GPHN: variants seen among roughly 807,000 people sequenced by gnomAD.
The protein encoded by GPHN is gephyrin.
In GPHN, 17 loss-of-function variants were observed where a neutral mutation model predicts 95.5. The observed-to-expected ratio is 0.18, with a 90% CI of 0.12 to 0.27. The LOEUF is 0.27. Ranked by LOEUF, GPHN falls within the 10% of genes least tolerant of loss-of-function variation. The pLI, the probability that GPHN is intolerant of heterozygous loss-of-function variation, is 1.00. For missense variants in GPHN, 660 were observed against 978.1 expected, an observed-to-expected ratio of 0.67 and a Z score of 4.34; for synonymous variants, 320 against 322.5, an observed-to-expected ratio of 0.99 and a Z score of 0.08.
At chr14:67,486,112 G>C in the GPHN span, among the ~76,000 whole-genome samples, 1 of 152,244 alleles carries the variant, frequency 6.6e-6, no homozygotes, top group Non-Finnish European at 1.5e-5. Context: ...ACTCACGCCA[G>C]ACAATCTGAA....
the GPHN span, chr14:67,302,102 C>T: frequency 2.5e-6 from 4 of 1,602,770 alleles, no homozygotes; most frequent in Admixed American, 5.2e-5. Flanking sequence ...ATAGAAAAGG[C>T]TCGTGATATT....
rs10142288 is a variant in GPHN, at chr14:66,538,716, C to T, written c.64+30125C>T. Among the ~76,000 whole-genome samples, 1,370 of 150,372 alleles carry T rather than the reference C, an allele frequency of 9.1e-3. 24 individuals are homozygous for T. The highest frequency in any genetic ancestry group is 0.032 in the African/African-American group (1,295 of 40,998). On this transcript the variant is annotated intron_variant, in intron 1 of 22. Transcript: ENST00000478722. The stretch of plus-strand genomic sequence containing the variant: ...ATGGCTATTTTAAAGCCATTGTCTC[C>T]TAACTCCACTATCAGTGTCATCTCT...
chr14:67,450,251 G>A, the GPHN span, among the ~76,000 whole-genome samples: 1 of 152,092 alleles, frequency 6.6e-6, no homozygotes, highest in Non-Finnish European at 1.5e-5. Flanking sequence ...CCAGTCTCAG[G>A]TATGTCTTTA....
chr14:67,692,331 A>G, the GPHN span: 1 of 1,210,728 alleles, frequency 8.3e-7, no homozygotes, highest in Non-Finnish European at 1.2e-6. Flanking sequence ...GTTTTTGGCT[A>G]TATTTTATCC....
chr14:67,623,328 C>T, the GPHN span, among the ~76,000 whole-genome samples: 1 of 152,164 alleles, frequency 6.6e-6, no homozygotes, highest in African/African-American at 2.4e-5. Context: ...CAGCATGGAT[C>T]AAATTTCAAA....
At chr14:67,333,141 T>C in the GPHN span, 2 of 521,852 alleles carry the variant, frequency 3.8e-6, no homozygotes, top group Admixed American at 6.9e-5. Flanking sequence ...CATGGCATCC[T>C]TTATTCTCTA....
chr14:67,567,664 G>T, the GPHN span, among the ~76,000 whole-genome samples: 2 of 151,948 alleles, frequency 1.3e-5, no homozygotes, highest in African/African-American at 4.8e-5. Context: ...CATCAGCTCT[G>T]CCCTCTCTCC....
the GPHN span, among the ~76,000 whole-genome samples, chr14:67,443,378 A>G: frequency 6.6e-6 from 1 of 152,190 alleles, no homozygotes; most frequent in African/African-American, 2.4e-5. Context: ...CCACTACCAC[A>G]AAGTATGTTT....
At chr14:66,743,524 G>A (rs977102431) in intron 2 of GPHN, among the ~76,000 whole-genome samples, 1 of 151,810 alleles carries the variant, frequency 6.6e-6, no homozygotes, top group African/African-American at 2.4e-5. Context: ...ATCACGAGGT[G>A]AGGAGATCGA....
intron 8 of GPHN, among the ~76,000 whole-genome samples, chr14:66,929,824 G>A (rs1567115206): frequency 6.6e-6 from 1 of 151,904 alleles, no homozygotes; most frequent in Non-Finnish European, 1.5e-5. Flanking sequence ...CCATTCTCCT[G>A]CCTCAGCCTC....
the GPHN span, chr14:67,333,096 A>G: frequency 2.9e-6 from 2 of 689,148 alleles, no homozygotes; most frequent in Admixed American, 6.2e-5. Context: ...GATCTCTTGA[A>G]TTAGTGAGAC....
intron 9 of GPHN, among the ~76,000 whole-genome samples, chr14:66,987,070 G>T (rs2071078120): frequency 6.6e-6 from 1 of 152,100 alleles, no homozygotes; most frequent in South Asian, 2.1e-4. Context: ...GAGGGGATGG[G>T]AAGTGTTAAT....
chr14:67,508,388 T>C, the GPHN span, among the ~76,000 whole-genome samples: 1 of 152,050 alleles, frequency 6.6e-6, no homozygotes, highest in Admixed American at 6.6e-5. Context: ...AGAGAATATC[T>C]TGTCCAAATG....
chr14:67,153,984 A>AT (rs1398066818), intron 18 of GPHN, among the ~76,000 whole-genome samples: 7 of 152,242 alleles, frequency 4.6e-5, no homozygotes, highest in Non-Finnish European at 1.5e-5. Context: ...GAAAAGGGCT[A>AT]TTTTTAAAAA....
At chr14:66,737,698 A>G (rs544680253) in intron 2 of GPHN, among the ~76,000 whole-genome samples, 1 of 152,320 alleles carries the variant, frequency 6.6e-6, no homozygotes, top group East Asian at 1.9e-4. Flanking sequence ...CTGGCCCCAG[A>G]ACTCTTTCCT....
the GPHN span, among the ~76,000 whole-genome samples, chr14:67,619,133 G>A: frequency 6.6e-6 from 1 of 152,166 alleles, no homozygotes; most frequent in Non-Finnish European, 1.5e-5. Context: ...TATAGAATTG[G>A]AGGGGTAAAG....
the GPHN span, among the ~76,000 whole-genome samples, chr14:67,708,720 G>T: frequency 6.6e-6 from 1 of 151,356 alleles, no homozygotes; most frequent in Non-Finnish European, 1.5e-5. Context: ...ATTTGACTAT[G>T]CTTCCTGTAT....
At chr14:67,569,842 C>A in the GPHN span, 1 of 871,662 alleles carries the variant, frequency 1.1e-6, no homozygotes, top group Non-Finnish European at 1.9e-6. Context: ...GGAATGCCAT[C>A]TGCCCAGTTC....
chr14:67,508,031 G>A, the GPHN span, among the ~76,000 whole-genome samples: 42 of 151,874 alleles, frequency 2.8e-4, no homozygotes, highest in Non-Finnish European at 5.6e-4. Flanking sequence ...CCAGCTACTC[G>A]GGAGGCTGAG....
Sources: allele counts gnomAD v4.1 joint callset (sites outside exome capture counted in the v4.1 genomes callset), GRCh38; gene constraint gnomAD v4.1.1; transcripts MANE v1.5; gene names NCBI Gene and HGNC (gene_info 2026-07-23, HGNC 2026-07-21).